The following PRCC variants were observed in gnomAD, a reference collection of about 807,000 sequenced individuals.
PRCC encodes proline-rich protein PRCC.
PRCC carries 10 observed loss-of-function variants against 44.0 expected under a neutral mutation model. That is an observed-to-expected ratio of 0.23 (90% confidence interval 0.14 to 0.39). The LOEUF (loss-of-function observed/expected upper bound fraction) is 0.39. Among genes scored for constraint, PRCC ranks in the 10% least tolerant of loss-of-function variants. The pLI, the probability that PRCC is intolerant of heterozygous loss-of-function variation, is 1.00. For missense variants in PRCC, 573 were observed against 624.7 expected, an observed-to-expected ratio of 0.92 and a Z score of 0.88; for synonymous variants, 278 against 259.5, an observed-to-expected ratio of 1.07 and a Z score of -0.69.
intron 1 of PRCC, among the ~76,000 whole-genome samples, chr1:156,777,276 C>T (rs1357708479): frequency 6.6e-6 from 1 of 152,142 alleles, no homozygotes; most frequent in Non-Finnish European, 1.5e-5. Flanking sequence ...CGCAAAAGCA[C>T]GGGCACTGGA....
At chr1:156,783,136 T>C (rs1652105407) in intron 2 of PRCC, among the ~76,000 whole-genome samples, 1 of 152,086 alleles carries the variant, frequency 6.6e-6, no homozygotes, top group South Asian at 2.1e-4. Context: ...ACTCCCGACC[T>C]CAGGTGATCC....
Position 156,787,650 on chromosome 1 carries a change from C to CTTTTTTTTTTTTTTTTTT in PRCC, c.1083+492_1083+493insTTTTTTTTTTTTTTTTTT, listed in dbSNP as rs56916626. ...AGTACCTGATAGGTAGGTTTTTGGC[C>CTTTTTTTTTTTTTTTTTT]TTTTTTTTTTTTTTTTGGAGAAGGA... On this transcript the variant is annotated intron_variant, in intron 3 of 6. Transcript: ENST00000271526. Among the ~76,000 whole-genome samples, 22 of 54,168 alleles carry CTTTTTTTTTTTTTTTTTT rather than the reference C, an allele frequency of 4.1e-4. 7 individuals are homozygous for CTTTTTTTTTTTTTTTTTT. Among genetic ancestry groups the CTTTTTTTTTTTTTTTTTT allele is most frequent in the African/African-American group, 1.8e-3 (20 of 11,030 alleles). 35.5% of individuals were successfully genotyped at this position (54,168 alleles called of 152,430 possible). A position where few individuals can be genotyped will look rare whatever the true frequency, so the allele number is the denominator to read the frequency against.
intron 1 of PRCC, among the ~76,000 whole-genome samples, chr1:156,769,454 T>C (rs1651542547): frequency 6.6e-6 from 1 of 152,230 alleles, no homozygotes; most frequent in Non-Finnish European, 1.5e-5. Context: ...ACCCTAGTAC[T>C]TAAAACAGTG....
intron 1 of PRCC, among the ~76,000 whole-genome samples, chr1:156,773,479 C>T (rs531482095): frequency 6.6e-6 from 1 of 152,300 alleles, no homozygotes; most frequent in East Asian, 1.9e-4. Context: ...AAATACAATA[C>T]TTTCTTATTA....
In PRCC at chr1:156,786,745, C is replaced by T. The variant is rs918531804; in HGVS notation, c.654C>T (p.Ser218=). 5.6e-6 allele frequency: 9 copies of T among 1,614,192 alleles called. No homozygotes were observed. Among genetic ancestry groups the T allele is most frequent in the Admixed American group, 5.0e-5 (3 of 60,022 alleles). ...PSDGSPDTKP[S]RLASKTKTSS... ...ATGGCTCCCCTGATACTAAGCCCTCCAGACTGGCTTCTAAGACCAAGACTT... is the reference window on the plus strand; with the variant it reads ...ATGGCTCCCCTGATACTAAGCCCTCTAGACTGGCTTCTAAGACCAAGACTT... Residue 218 remains serine, a synonymous_variant, in exon 3 of 7, where the codon TCC becomes TCT. Transcript: ENST00000271526.
chr1:156,768,862 T>C (rs1312806328), intron 1 of PRCC, among the ~76,000 whole-genome samples: 3 of 152,178 alleles, frequency 2.0e-5, no homozygotes, highest in Non-Finnish European at 2.9e-5. Flanking sequence ...GCATGCACGA[T>C]TTTACCTGGT....
At chr1:156,780,300 C>A (rs1013267403) in intron 1 of PRCC, among the ~76,000 whole-genome samples, 3 of 151,616 alleles carry the variant, frequency 2.0e-5, no homozygotes, top group Admixed American at 6.6e-5. Context: ...CTCAAGTAAT[C>A]CTCCCGCCTT....
intron 1 of PRCC, among the ~76,000 whole-genome samples, chr1:156,770,653 G>T (rs1021171176): frequency 2.0e-5 from 3 of 152,216 alleles, no homozygotes; most frequent in Non-Finnish European, 4.4e-5. Context: ...GGGATTACAG[G>T]TGTGAGCCAC....
intron 1 of PRCC, among the ~76,000 whole-genome samples, chr1:156,779,470 A>C (rs1437758326): frequency 6.6e-6 from 1 of 151,852 alleles, no homozygotes; most frequent in Admixed American, 6.6e-5. Context: ...GGTTCAAGCA[A>C]TTCTCCTGCC....
At chr1:156,783,748 A>AAACAT (rs1407927278) in intron 2 of PRCC, among the ~76,000 whole-genome samples, 13 of 152,104 alleles carry the variant, frequency 8.5e-5, no homozygotes, top group African/African-American at 2.9e-4. Flanking sequence ...TCAGTCAAAA[A>AAACAT]AAACATAAAA....
intron 3 of PRCC, chr1:156,791,040 C>A: frequency 7.5e-7 from 1 of 1,327,226 alleles, no homozygotes; most frequent in Non-Finnish European, 1.0e-6. Context: ...AGGCCTTGCC[C>A]TTGCCTTCAC....
intron 5 of PRCC, among the ~76,000 whole-genome samples, chr1:156,795,390 T>A (rs190631177): frequency 1.4e-4 from 20 of 147,588 alleles, no homozygotes; most frequent in Admixed American, 1.0e-3. Context: ...CAGGCTCAAG[T>A]GATCCTCACA....
In PRCC at chr1:156,797,285, G is replaced by C. The variant is rs994534199; in HGVS notation, c.1333G>C (p.Glu445Gln). 5.6e-6 allele frequency: 9 copies of C among 1,614,040 alleles called. No individual in the cohort carries two copies. Among genetic ancestry groups the C allele is most frequent in the Non-Finnish European group, 7.6e-6 (9 of 1,180,024 alleles). ...TMKSFSKKKGEQPTGQQRRKH... is the reference protein window; with the variant it reads ...TMKSFSKKKGQQPTGQQRRKH... Reference sequence around the variant, plus strand: ...TTTTCTTCTCTTGCAGAAGAAAGGTGAGCAGCCAACAGGCCAGCAGCGGCG... The same window carrying C: ...TTTTCTTCTCTTGCAGAAGAAAGGTCAGCAGCCAACAGGCCAGCAGCGGCG... The change falls in exon 6 of 7, where the codon GAG becomes CAG. Residue 445 changes from glutamate (E) to glutamine (Q), a missense_variant. Glu to Gln is a conservative substitution (Grantham distance 29). Transcript: ENST00000271526.
chr1:156,784,939 C>G (rs1434953019), intron 2 of PRCC, among the ~76,000 whole-genome samples: 1 of 152,094 alleles, frequency 6.6e-6, no homozygotes, highest in African/African-American at 2.4e-5. Flanking sequence ...CATTAACAAG[C>G]TAATATGCCA....
intron 1 of PRCC, among the ~76,000 whole-genome samples, chr1:156,776,677 A>G (rs907587409): frequency 6.6e-6 from 1 of 152,210 alleles, no homozygotes. Flanking sequence ...ATATGCTTGT[A>G]TAGTTTTATA....
chr1:156,767,755 G>T lies in PRCC; in HGVS notation c.-17G>T. The T allele has an allele frequency of 6.3e-7, 1 of 1,577,450 alleles. No homozygotes were observed. ...GCCTCATCTGCCGGCAAGGGCGCCC[G>T]AAACGCGGGAGGCGCCATGTCGCTG... is the stretch of plus-strand genomic sequence containing the variant. On this transcript the variant is annotated 5_prime_UTR_variant, in exon 1 of 7. Coordinates refer to ENST00000271526, the MANE Select transcript of PRCC (RefSeq NM_005973.5).
At chr1:156,781,747 A>G (rs1652057905) in intron 1 of PRCC, among the ~76,000 whole-genome samples, 1 of 152,214 alleles carries the variant, frequency 6.6e-6, no homozygotes, top group Non-Finnish European at 1.5e-5. Flanking sequence ...GAGAAGGAAT[A>G]GATTTCTCCA....
chr1:156,769,731 C>CTGGGACTACAGGCG (rs1308416607), intron 1 of PRCC, among the ~76,000 whole-genome samples: 4 of 151,706 alleles, frequency 2.6e-5, no homozygotes, highest in African/African-American at 9.7e-5. Context: ...TCTCGAGTAG[C>CTGGGACTACAGGCG]TGGGACTACA....
chr1:156,791,119 T>C (rs766824066), intron 3 of PRCC: 2 of 1,419,100 alleles, frequency 1.4e-6, no homozygotes, highest in East Asian at 3.3e-5. Flanking sequence ...ATGAGATTCC[T>C]GAACTCAAAA....
Sources: gnomAD v4.1 joint callset for allele counts (sites outside exome capture counted in the v4.1 genomes callset) on GRCh38, gnomAD v4.1.1 for gene constraint, MANE v1.5 for transcripts, NCBI Gene and HGNC (gene_info 2026-07-23, HGNC 2026-07-21) for gene names.